ATP10A: variants seen among roughly 807,000 people sequenced by gnomAD.
ATP10A encodes the protein ATPase phospholipid transporting 10A (putative).
Under a neutral mutation model 147.8 loss-of-function variants are expected in ATP10A, and 111 were observed. That is an observed-to-expected ratio of 0.75 (90% confidence interval 0.64 to 0.88). The LOEUF is 0.88. Ranked by LOEUF, ATP10A falls within the 40% of genes least tolerant of loss-of-function variation. ATP10A has a pLI of 0.00. For missense variants in ATP10A, 1,927 were observed against 1,959.0 expected (o/e 0.98, Z 0.31); for synonymous variants, 875 against 841.6 (o/e 1.04, Z -0.69).
chr15:25,774,406 C>T (rs960002323), intron 2 of ATP10A, among the ~76,000 whole-genome samples: 4 of 152,116 alleles, frequency 2.6e-5, no homozygotes, highest in Non-Finnish European at 5.9e-5. Context: ...GAAACCCCGT[C>T]TCTACTAAAA....
intron 2 of ATP10A, among the ~76,000 whole-genome samples, chr15:25,739,237 A>G (rs1887452662): frequency 6.6e-6 from 1 of 151,988 alleles, no homozygotes; most frequent in Non-Finnish European, 1.5e-5. Context: ...ACTCGGCCTT[A>G]ATTGCTTTTT....
Position 25,727,191 on chromosome 15 carries a change from C to A in ATP10A, c.816G>T (p.Thr272=), listed in dbSNP as rs375266969. 4 of 1,613,712 alleles carry A rather than the reference C, an allele frequency of 2.5e-6. No individual in the cohort carries two copies. Among genetic ancestry groups the A allele is most frequent in the Non-Finnish European group, 3.4e-6 (4 of 1,179,798 alleles). Residue 272 remains threonine (T), a synonymous_variant, in exon 4 of 21, where the codon ACG becomes ACT. Transcript: ENST00000555815. ...LLLRGCTLRN[T]DAVVGIVIYA... is the part of the protein sequence containing the mutation. ...AGATGACAATGCCGACGACTGCGTCCGTGTTCCTAAGGGTGCAGCCCCTCA... is the reference window on the plus strand; with the variant it reads ...AGATGACAATGCCGACGACTGCGTCAGTGTTCCTAAGGGTGCAGCCCCTCA...
intron 12 of ATP10A, among the ~76,000 whole-genome samples, chr15:25,706,865 C>A (rs1356457226): frequency 2.0e-5 from 3 of 152,204 alleles, no homozygotes; most frequent in Non-Finnish European, 4.4e-5. Context: ...GGACAACCAG[C>A]AGATGCCTCC....
intron 2 of ATP10A, among the ~76,000 whole-genome samples, chr15:25,769,341 G>T (rs1298343407): frequency 6.6e-6 from 1 of 151,882 alleles, no homozygotes; most frequent in African/African-American, 2.4e-5. Flanking sequence ...AAAAAAATTA[G>T]CCGGGGGTGG....
chr15:25,851,057 G>A (rs367964675), intron 1 of ATP10A, among the ~76,000 whole-genome samples: 4 of 141,116 alleles, frequency 2.8e-5, no homozygotes, highest in Non-Finnish European at 6.3e-5. Flanking sequence ...GGGATCTCGG[G>A]GACTCCGCCG....
In ATP10A at chr15:25,755,471, G is replaced by A. The variant is rs530068963; in HGVS notation, c.655-19330C>T. Among the ~76,000 whole-genome samples the A allele has an allele frequency of 4.1e-4, 63 of 152,336 alleles. 1 individual carries two copies. The highest frequency in any genetic ancestry group is 6.9e-4 in the Non-Finnish European group (47 of 68,036). On this transcript the variant is annotated intron_variant, in intron 2 of 20. Transcript: ENST00000555815. ...TGAAAGCCATTCCCAAAGTGTTTCA[G>A]CTCCATGGCAACCAACAACCCAGAA...
At chr15:25,750,573 C>T (rs1382022052) in intron 2 of ATP10A, among the ~76,000 whole-genome samples, 1 of 152,090 alleles carries the variant, frequency 6.6e-6, no homozygotes, top group African/African-American at 2.4e-5. Context: ...GCCAGTTCAT[C>T]CTTAAGCTCT....
intron 1 of ATP10A, among the ~76,000 whole-genome samples, chr15:25,802,254 G>T (rs1890973038): frequency 6.6e-6 from 1 of 152,156 alleles, no homozygotes; most frequent in Non-Finnish European, 1.5e-5. Context: ...CTCAACGTCG[G>T]AATCTCAGCC....
intron 1 of ATP10A, among the ~76,000 whole-genome samples, chr15:25,857,239 T>C (rs1327879263): frequency 6.6e-6 from 1 of 151,940 alleles, no homozygotes; most frequent in Non-Finnish European, 1.5e-5. Context: ...AGCCCAGGAG[T>C]TGGAGACCAG....
At chr15:25,757,454 G>C (rs971424799) in intron 2 of ATP10A, among the ~76,000 whole-genome samples, 1 of 151,970 alleles carries the variant, frequency 6.6e-6, no homozygotes, top group Non-Finnish European at 1.5e-5. Flanking sequence ...TTTTTGGTGA[G>C]AAAAATCTTG....
chr15:25,694,587 A>C (rs774436778), intron 14 of ATP10A, among the ~76,000 whole-genome samples: 18 of 152,194 alleles, frequency 1.2e-4, no homozygotes, highest in Non-Finnish European at 2.2e-4. Context: ...GTAAAGCAGC[A>C]CCGGATTACT....
chr15:25,784,781 G>T (rs1202729673), intron 1 of ATP10A, among the ~76,000 whole-genome samples: 1 of 152,126 alleles, frequency 6.6e-6, no homozygotes, highest in Non-Finnish European at 1.5e-5. Context: ...AATTAGCCAG[G>T]TGTGGTGGCA....
At chr15:25,687,401 C>T (rs1437520058) in intron 16 of ATP10A, among the ~76,000 whole-genome samples, 5 of 151,990 alleles carry the variant, frequency 3.3e-5, no homozygotes, top group Non-Finnish European at 5.9e-5. Flanking sequence ...CCTGTGCAAA[C>T]TGCTAGCCTC....
Position 25,687,824 on chromosome 15 carries a change from A to T in ATP10A, c.3170T>A (p.Val1057Glu), listed in dbSNP as rs921283603. The T allele has an allele frequency of 1.2e-6, 2 of 1,613,740 alleles. No homozygotes were observed. The highest frequency in any genetic ancestry group is 1.7e-6 in the Non-Finnish European group (2 of 1,179,866). ...GISGQEGMQA[V>E]MASDFAVPKF... ...CGGCACTGCAAAGTCGCTGGCCATC[A>T]CTGCCTTCAAAGGGAGAGGGATTCC... The change falls in exon 16 of 21, where the codon GTG becomes GAG. Residue 1057 changes from valine to glutamate, a missense_variant. Val to Glu is a moderately radical substitution (Grantham distance 121). Coordinates refer to ENST00000555815, the MANE Select transcript of ATP10A (RefSeq NM_024490.4).
chr15:25,844,004 C>T (rs1892917834), intron 1 of ATP10A, among the ~76,000 whole-genome samples: 1 of 152,182 alleles, frequency 6.6e-6, no homozygotes, highest in Admixed American at 6.5e-5. Context: ...GCGCCCACCA[C>T]AGTGGATACC....
chr15:25,848,237 C>T (rs888598223), intron 1 of ATP10A, among the ~76,000 whole-genome samples: 6 of 152,136 alleles, frequency 3.9e-5, no homozygotes, highest in Admixed American at 2.0e-4. Flanking sequence ...CTTCCCGCTG[C>T]GGCAACAAAT....
chr15:25,727,655 T>TCTCAAGTTGTC (rs1440096365), intron 3 of ATP10A, among the ~76,000 whole-genome samples: 1 of 152,194 alleles, frequency 6.6e-6, no homozygotes, highest in Non-Finnish European at 1.5e-5. Flanking sequence ...TCCTAATCAG[T>TCTCAAGTTGTC]CTCAAGTTGT....
intron 2 of ATP10A, among the ~76,000 whole-genome samples, chr15:25,764,939 G>C (rs910243091): frequency 3.3e-5 from 5 of 152,206 alleles, no homozygotes; most frequent in Admixed American, 3.3e-4. Flanking sequence ...TGACTGCAGG[G>C]AAAGGTAAGG....
At chr15:25,798,160 G>T (rs1596907374) in intron 1 of ATP10A, among the ~76,000 whole-genome samples, 2 of 152,228 alleles carry the variant, frequency 1.3e-5, no homozygotes, top group East Asian at 3.9e-4. Context: ...ACTGACATAG[G>T]CAGTCTCAGC....
Sources: gnomAD v4.1 joint callset for allele counts (sites outside exome capture counted in the v4.1 genomes callset) on GRCh38, gnomAD v4.1.1 for gene constraint, MANE v1.5 for transcripts, NCBI Gene and HGNC (gene_info 2026-07-23, HGNC 2026-07-21) for gene names.